The following GSDME variants were observed in gnomAD, a reference collection of about 807,000 sequenced individuals.
GSDME encodes the protein gasdermin-E.
GSDME carries 44 observed loss-of-function variants against 47.5 expected under a neutral mutation model. The ratio of observed to expected loss-of-function variants is 0.93; its 90% CI spans 0.73 to 1.19. The LOEUF (loss-of-function observed/expected upper bound fraction) is 1.19. GSDME is among the 50% of genes most tolerant of loss of function. The probability of loss-of-function intolerance (pLI) is 0.00; values close to 1 mark genes in which losing one functional copy is unlikely to be tolerated. For synonymous variants in GSDME, 258 were observed against 252.8 expected, an observed-to-expected ratio of 1.02 and a Z score of -0.20; for missense variants, 663 against 604.2, an observed-to-expected ratio of 1.10 and a Z score of -1.02.
chr7:24,708,902 G>A (rs999757742), intron 6 of GSDME, among the ~76,000 whole-genome samples: 1 of 151,864 alleles, frequency 6.6e-6, no homozygotes, highest in African/African-American at 2.4e-5. Context: ...TTGTTTTTTG[G>A]TTTTTTTGTT....
At chr7:24,766,911 C>G in the GSDME span, among the ~76,000 whole-genome samples, 1 of 152,206 alleles carries the variant, frequency 6.6e-6, no homozygotes, top group East Asian at 1.9e-4. The surrounding 1 kb of genome is among the most constrained non-coding windows in gnomAD (Gnocchi z 4.2). Context: ...CTAATTTACA[C>G]TCCCACCAAC....
intron 1 of GSDME, among the ~76,000 whole-genome samples, chr7:24,753,970 C>T (rs1790935658): frequency 6.6e-6 from 1 of 152,152 alleles, no homozygotes; most frequent in Non-Finnish European, 1.5e-5. Flanking sequence ...ATGGCCAGGT[C>T]CAAATGAATG....
chr7:24,784,075 A>G, the GSDME span, among the ~76,000 whole-genome samples: 2 of 152,098 alleles, frequency 1.3e-5, no homozygotes, highest in African/African-American at 2.4e-5. Flanking sequence ...TGCTTTTCCA[A>G]TGCTCTCATT....
rs1018887723 is a variant in GSDME, at chr7:24,735,537, A to G, written c.404+9025T>C. Among the ~76,000 whole-genome samples the G allele has an allele frequency of 2.6e-5, 4 of 152,112 alleles. No individual in the cohort carries two copies. The highest frequency in any genetic ancestry group is 7.2e-5 in the African/African-American group (3 of 41,418). On this transcript the variant is annotated intron_variant, in intron 3 of 9. Transcript: ENST00000645220. This position sits in a 1 kb window ranked among gnomAD's most constrained non-coding sequence, Gnocchi z 4.4. ...TTTGGGAGGCCGAGGTGGGTGTATC[A>G]CCTGAAGACAGGAATTCGAGACCAG...
chr7:24,761,143 C>G (rs1333578267), upstream of GSDME, among the ~76,000 whole-genome samples: 1 of 152,226 alleles, frequency 6.6e-6, no homozygotes, highest in Non-Finnish European at 1.5e-5. This position sits in a 1 kb window ranked among gnomAD's most constrained non-coding sequence, Gnocchi z 4.4. Context: ...TTGAGCAGGG[C>G]TCAGCTGAGT....
At chr7:24,740,938 G>A (rs566418876) in intron 3 of GSDME, among the ~76,000 whole-genome samples, 4 of 152,130 alleles carry the variant, frequency 2.6e-5, no homozygotes, top group Middle Eastern at 3.2e-3. Flanking sequence ...AAAGCACAAC[G>A]CAGCATGGTC....
chr7:24,792,679 A>G, the GSDME span, among the ~76,000 whole-genome samples: 6 of 151,636 alleles, frequency 4.0e-5, no homozygotes, highest in East Asian at 9.7e-4. Flanking sequence ...ATGGCCCACA[A>G]CTCTGGAGCA....
At position 24,710,857 on chromosome 7, in the gene GSDME, T is replaced by TAC. The variant is rs1789326223; in HGVS notation, c.698-471_698-470dup. The stretch of plus-strand genomic sequence containing the variant: ...TGTTTCTATAATATATAGAATAATA[T>TAC]ACAGCAATAAAAAATAAAATACTGA... On this transcript the variant is annotated intron_variant, in intron 5 of 9. Transcript: ENST00000645220. 2.0e-5 allele frequency among the ~76,000 whole-genome samples: 3 copies of TAC among 152,318 alleles called. No homozygotes were observed. The South Asian group carries it at 6.2e-4, about 32-fold the overall frequency.
rs1788931522 is a variant in GSDME, at chr7:24,702,878, C to T, written c.1184-45G>A. ...CAGTCACAGTCCAAAAAAACAAGTCCATGGGAACAGAGCCAGCCCCTGGAT... is the reference window on the plus strand; with the variant it reads ...CAGTCACAGTCCAAAAAAACAAGTCTATGGGAACAGAGCCAGCCCCTGGAT... On this transcript the variant is annotated intron_variant, in intron 8 of 9. Transcript: ENST00000645220. 3 of 1,562,582 alleles carry T rather than the reference C, an allele frequency of 1.9e-6. No individual in the cohort carries two copies. In the East Asian group the frequency reaches 6.8e-5, roughly 35 times the overall value.
chr7:24,772,953 A>C, the GSDME span, among the ~76,000 whole-genome samples: 1 of 152,234 alleles, frequency 6.6e-6, no homozygotes, highest in African/African-American at 2.4e-5. The surrounding 1 kb of genome is among the most constrained non-coding windows in gnomAD (Gnocchi z 4.5). Flanking sequence ...TGAGACACCC[A>C]ATAGCATTCA....
At position 24,706,342 on chromosome 7, in the gene GSDME, A is replaced by G. The variant is rs756756152; in HGVS notation, c.1025T>C (p.Val342Ala). The change falls in exon 8 of 10, where the codon GTG becomes GCG. Residue 342 changes from valine (V) to alanine (A), a missense_variant. Transcript: ENST00000645220. ...GGGCTTCAGCTCCCCCAGCACCGCCACTGTGGGCGAGAGGCCGCTGACCAG... is the reference window on the plus strand; with the variant it reads ...GGGCTTCAGCTCCCCCAGCACCGCCGCTGTGGGCGAGAGGCCGCTGACCAG... ...DDLVSGLSPT[V>A]AVLGELKPRQ... 1.9e-6 allele frequency: 3 copies of G among 1,613,304 alleles called. No individual in the cohort carries two copies. The highest frequency in any genetic ancestry group is 1.3e-5 in the African/African-American group (1 of 75,038).
rs1383758984 is a variant in GSDME, at chr7:24,745,570, C to T, written c.212-816G>A. 2.6e-5 allele frequency among the ~76,000 whole-genome samples: 4 copies of T among 152,132 alleles called. No individual in the cohort carries two copies. The highest frequency in any genetic ancestry group is 9.7e-5 in the African/African-American group (4 of 41,440). ...TGAACTGTCAGCCTTCTCACATCTC[C>T]AGGTTTCTACTATTCTCTTTTGTAA... On this transcript the variant is annotated intron_variant, in intron 2 of 9. Coordinates refer to ENST00000645220, the MANE Select transcript of GSDME (RefSeq NM_001127453.2). The surrounding 1 kb of genome is among the most constrained non-coding windows in gnomAD (Gnocchi z 4.4).
intron 3 of GSDME, among the ~76,000 whole-genome samples, chr7:24,734,225 G>A (rs891280382): frequency 2.0e-5 from 3 of 152,178 alleles, no homozygotes; most frequent in Non-Finnish European, 4.4e-5. Flanking sequence ...CTGGGCTTTG[G>A]GTGTCCTCTA....
intron 6 of GSDME, 95 bp from the exon 7 acceptor site, chr7:24,708,349 G>T (rs1789207584): frequency 2.1e-6 from 3 of 1,430,008 alleles, no homozygotes; most frequent in Admixed American, 1.8e-5. Flanking sequence ...ATCGTCATCA[G>T]TTCTTTCATG....
At chr7:24,718,490 A>C (rs1450306255) in intron 4 of GSDME, among the ~76,000 whole-genome samples, 1 of 152,220 alleles carries the variant, frequency 6.6e-6, no homozygotes, top group African/African-American at 2.4e-5. Flanking sequence ...GCAGCAGCTA[A>C]TTCCAAGTAA....
rs891326731 is a variant in GSDME at position 24,733,990 on chromosome 7, G to A, written c.404+10572C>T. 6.6e-6 allele frequency among the ~76,000 whole-genome samples: 1 copy of A among 152,180 alleles called. No individual in the cohort carries two copies. Among genetic ancestry groups the A allele is most frequent in the African/African-American group, 2.4e-5 (1 of 41,430 alleles). ...GGCCTTAGGCAAGATCCAGAGCTGT[G>A]GTGGCTTCAGTTCTGACCAGTGCAG... On this transcript the variant is annotated intron_variant, in intron 3 of 9. Coordinates refer to ENST00000645220, the MANE Select transcript of GSDME (RefSeq NM_001127453.2). This position sits in a 1 kb window ranked among gnomAD's most constrained non-coding sequence, Gnocchi z 4.3.
intron 4 of GSDME, among the ~76,000 whole-genome samples, chr7:24,718,225 G>C (rs1789642276): frequency 6.6e-6 from 1 of 152,210 alleles, no homozygotes; most frequent in African/African-American, 2.4e-5. Flanking sequence ...TCTACCTCCA[G>C]CTCCTTCCAA....
At chr7:24,778,819 G>A in the GSDME span, among the ~76,000 whole-genome samples, 2 of 152,194 alleles carry the variant, frequency 1.3e-5, no homozygotes, top group Non-Finnish European at 2.9e-5. The surrounding 1 kb of genome is among the most constrained non-coding windows in gnomAD (Gnocchi z 5.6). Flanking sequence ...CAGGAATCTG[G>A]GAAATGCTGT....
At chr7:24,711,376 C>T (rs1236554687) in intron 5 of GSDME, among the ~76,000 whole-genome samples, 1 of 152,030 alleles carries the variant, frequency 6.6e-6, no homozygotes, top group South Asian at 2.1e-4. Flanking sequence ...AGGCACCTGC[C>T]ACCACACCTG....
Sources: allele counts gnomAD v4.1 joint callset (sites outside exome capture counted in the v4.1 genomes callset), GRCh38; gene constraint gnomAD v4.1.1; non-coding constraint Gnocchi (gnomAD v3.1); transcripts MANE v1.5; gene names NCBI Gene and HGNC (gene_info 2026-07-23, HGNC 2026-07-21).